Variants in DGKD observed in about 807,000 individuals in gnomAD.
DGKD encodes the protein diacylglycerol kinase delta, also known as DAG kinase delta.
DGKD carries 68 observed loss-of-function variants against 154.4 expected under a neutral mutation model. That is an observed-to-expected ratio of 0.44 (90% CI 0.36 to 0.54). DGKD has a LOEUF of 0.54. Ranked by LOEUF, DGKD falls within the 20% of genes least tolerant of loss-of-function variation. DGKD has a pLI of 0.00. For synonymous variants in DGKD, 693 were observed against 638.0 expected (o/e 1.09, Z -1.30); for missense variants, 1,343 against 1,593.6 (o/e 0.84, Z 2.68).
rs186119247 is a variant in DGKD, at chr2:233,426,176, C to G, written c.349-8204C>G. ...TGTTTTAACATAGTGCTGCCAGACTCTCATATTCATGCTTCATATTTCATA... is the reference window on the plus strand; with the variant it reads ...TGTTTTAACATAGTGCTGCCAGACTGTCATATTCATGCTTCATATTTCATA... On this transcript the variant is annotated intron_variant, in intron 3 of 29. Transcript: ENST00000264057. Among the ~76,000 whole-genome samples the G allele has an allele frequency of 5.0e-3, 763 of 152,328 alleles. 4 individuals carry two copies. Among genetic ancestry groups the G allele is most frequent in the African/African-American group, 0.017 (704 of 41,570 alleles).
chr2:233,413,873 T>C (rs2061892131), intron 3 of DGKD, among the ~76,000 whole-genome samples: 1 of 152,276 alleles, frequency 6.6e-6, no homozygotes, highest in Non-Finnish European at 1.5e-5. Context: ...TTTTTTGGTC[T>C]TTTAAAATAT....
chr2:233,451,852 T>C, intron 17 of DGKD, 112 bp from the exon 18 acceptor site: 1 of 876,108 alleles, frequency 1.1e-6, no homozygotes, highest in Non-Finnish European at 1.8e-6. Flanking sequence ...TAGAAACATT[T>C]AATTATAATA....
intron 1 of DGKD, among the ~76,000 whole-genome samples, chr2:233,365,048 TATA>T (rs1464353549): frequency 2.0e-5 from 3 of 152,166 alleles, no homozygotes; most frequent in Non-Finnish European, 4.4e-5. Flanking sequence ...TCATTTTGGA[TATA>T]ATAATTTAAA....
At chr2:233,361,577 C>T (rs570586290) in intron 1 of DGKD, among the ~76,000 whole-genome samples, 11 of 152,252 alleles carry the variant, frequency 7.2e-5, no homozygotes, top group Non-Finnish European at 1.3e-4. Context: ...CAACTGTGCT[C>T]GTTGTGTTGG....
intron 3 of DGKD, chr2:233,419,536 G>C (rs7597465): frequency 0.1 from 74,589 of 746,804 alleles, 4,138 homozygotes; most frequent in African/African-American, 0.21. Context: ...AGATGCTCCA[G>C]AGGGTTGCTT....
rs568152219 is a variant in DGKD at position 233,448,642 on chromosome 2, C to A, written c.1614+267C>A. On this transcript the variant is annotated intron_variant, in intron 14 of 29. Coordinates refer to ENST00000264057, the MANE Select transcript of DGKD (RefSeq NM_152879.3). ...CACAGAATCTTCTTGGGTCCAAATA[C>A]CCCCTAGAAGTATCCCATTGGCCAC... 2.8e-3 allele frequency among the ~76,000 whole-genome samples: 428 copies of A among 152,310 alleles called. 3 individuals are homozygous for A. Among genetic ancestry groups the A allele is most frequent in the African/African-American group, 9.4e-3 (391 of 41,568 alleles).
At chr2:233,359,494 A>ATTTT (rs34252378) in intron 1 of DGKD, among the ~76,000 whole-genome samples, 3 of 145,024 alleles carry the variant, frequency 2.1e-5, no homozygotes, top group East Asian at 4.0e-4. Context: ...TGTCTTTCTG[A>ATTTT]TTTTTTTTTT....
chr2:233,450,280 C>A, intron 16 of DGKD, 149 bp downstream of exon 16: 1 of 1,056,194 alleles, frequency 9.5e-7, no homozygotes, highest in Non-Finnish European at 1.3e-6. Context: ...AGGCCTGTTT[C>A]TGTGCATCTC....
chr2:233,464,723 G>A (rs1206667102), intron 27 of DGKD, among the ~76,000 whole-genome samples: 1 of 152,222 alleles, frequency 6.6e-6, no homozygotes. Context: ...ACTCCAGCTC[G>A]TCGCAGGTCT....
rs931352963 is a variant in DGKD at position 233,460,237 on chromosome 2, G to A, written c.2873G>A (p.Cys958Tyr). The change falls in exon 24 of 30, where the codon TGC (cysteine) becomes TAC (tyrosine). Residue 958 changes from cysteine to tyrosine, a missense_variant. By Grantham distance (194) the Cys-to-Tyr change is radical (BLOSUM62 -2). Around this residue, in one of 6 missense-constraint regions of DGKD, gnomAD observed 429 missense variants for 496.3 expected, o/e 0.86. Transcript: ENST00000264057. ...AAGTCCTGGGAAGACAAGCAGAAGT[G>A]CGAGCTGCCCCGCCCTCCATCCTGT... The part of the protein sequence containing the change: ...TLKSWEDKQK[C>Y]ELPRPPSCSL... The A allele has an allele frequency of 6.2e-7, 1 of 1,613,958 alleles. No homozygotes were observed. The highest frequency in any genetic ancestry group is 1.7e-5 in the Admixed American group (1 of 60,002).
rs79211701 is a variant in DGKD, at chr2:233,407,592, C to T, written c.348+17109C>T. On this transcript the variant is annotated intron_variant, in intron 3 of 29. Transcript: ENST00000264057. The stretch of plus-strand genomic sequence containing the variant: ...ACCAGCCTGGGCAGCATAACAAGAT[C>T]CTGTCTCTACAAAAAATAAAAAAAA... Among the ~76,000 whole-genome samples the T allele has an allele frequency of 3.3e-5, 5 of 152,078 alleles. No individual in the cohort carries two copies. In the East Asian group the frequency reaches 5.8e-4, roughly 18 times the overall value.
chr2:233,439,408 A>G (rs944597416), intron 9 of DGKD, among the ~76,000 whole-genome samples: 2 of 151,884 alleles, frequency 1.3e-5, no homozygotes, highest in South Asian at 2.1e-4. Flanking sequence ...GCTCATCCCC[A>G]CTCACAGCCA....
At chr2:233,462,790 G>T (rs1420101590) in intron 26 of DGKD, 55 bp downstream of exon 26, 1 of 1,501,692 alleles carries the variant, frequency 6.7e-7, no homozygotes, top group East Asian at 2.3e-5. Context: ...AACGACTGCT[G>T]TCGCCAGGTT....
intron 12 of DGKD, among the ~76,000 whole-genome samples, chr2:233,447,116 C>T (rs565397876): frequency 9.1e-4 from 139 of 152,248 alleles, no homozygotes; most frequent in African/African-American, 2.8e-3. Context: ...CCAAACGGTG[C>T]GCGCCCGTTC....
chr2:233,426,484 C>T (rs2062304391), intron 3 of DGKD, among the ~76,000 whole-genome samples: 1 of 152,148 alleles, frequency 6.6e-6, no homozygotes, highest in Non-Finnish European at 1.5e-5. Flanking sequence ...AAAGCAGCTG[C>T]TAGGAGAAGC....
rs562904927 is a variant in DGKD, at chr2:233,440,745, G to T, written c.1086-1142G>T. Among the ~76,000 whole-genome samples, 3 of 152,336 alleles carry T rather than the reference G, an allele frequency of 2.0e-5. No individual in the cohort carries two copies. Among genetic ancestry groups the T allele is most frequent in the East Asian group, 3.9e-4 (2 of 5,180 alleles). ...TTCGACTCCTTCCTGCAAATGAGGG[G>T]CAGCCTCATAAAGCAAGGCCCGTGG... On this transcript the variant is annotated intron_variant, in intron 9 of 29. Transcript: ENST00000264057. This position sits in a 1 kb window ranked among gnomAD's most constrained non-coding sequence, Gnocchi z 4.9.
At position 233,441,752 on chromosome 2, in the gene DGKD, G is replaced by C; in HGVS notation, c.1086-135G>C. 1 of 730,930 alleles carries C rather than the reference G, an allele frequency of 1.4e-6. No homozygotes were observed. The highest frequency in any genetic ancestry group is 3.0e-4 in the Middle Eastern group (1 of 3,372). The allele number at this position is 730,930 out of a possible 1,614,324, so 45.3% of individuals were successfully genotyped here. ...TGGAGGCGGCTGGTGTCACGTGGCAGGGCCTGTGCGTGCTCTGCCTCTGGT... is the reference window on the plus strand; with the variant it reads ...TGGAGGCGGCTGGTGTCACGTGGCACGGCCTGTGCGTGCTCTGCCTCTGGT... On this transcript the variant is annotated intron_variant, in intron 9 of 29. Coordinates refer to ENST00000264057, the MANE Select transcript of DGKD (RefSeq NM_152879.3). This position sits in a 1 kb window ranked among gnomAD's most constrained non-coding sequence, Gnocchi z 5.6.
chr2:233,456,761 A>T, intron 19 of DGKD, 138 bp from the exon 20 acceptor site: 1 of 665,930 alleles, frequency 1.5e-6, no homozygotes, highest in Non-Finnish European at 2.6e-6. Flanking sequence ...TGTGTCCTTC[A>T]GATGTTACTG....
intron 1 of DGKD, among the ~76,000 whole-genome samples, chr2:233,369,014 G>T (rs1298580005): frequency 1.3e-5 from 2 of 152,188 alleles, no homozygotes; most frequent in African/African-American, 2.4e-5. Flanking sequence ...TTTCAGGCTG[G>T]CAGGTCTTTG....
Sources: gnomAD v4.1 joint callset for allele counts (sites outside exome capture counted in the v4.1 genomes callset) on GRCh38, gnomAD v4.1.1 for gene constraint, gnomAD v4.1.1 regional missense constraint, Gnocchi (gnomAD v3.1) non-coding constraint, MANE v1.5 for transcripts, NCBI Gene and HGNC (gene_info 2026-07-23, HGNC 2026-07-21) for gene names.